RAB38: variants seen among roughly 807,000 people sequenced by gnomAD.
RAB38 encodes the protein ras-related protein Rab-38.
Under a neutral mutation model 18.4 loss-of-function variants are expected in RAB38, and 15 were observed. The observed-to-expected ratio is 0.82, with a 90% CI of 0.55 to 1.26. The LOEUF (loss-of-function observed/expected upper bound fraction) is 1.26, where lower values mean the gene tolerates loss of function less well. Ranked by LOEUF, RAB38 falls within the 50% of genes most tolerant of loss-of-function variation. The pLI, the probability that RAB38 is intolerant of heterozygous loss-of-function variation, is 0.00. For synonymous variants in RAB38, 101 were observed against 104.4 expected, an observed-to-expected ratio of 0.97 and a Z score of 0.20; for missense variants, 294 against 267.4, an observed-to-expected ratio of 1.10 and a Z score of -0.69.
At chr11:87,814,292 A>C in the RAB38 span, among the ~76,000 whole-genome samples, 9 of 152,312 alleles carry the variant, frequency 5.9e-5, no homozygotes, top group African/African-American at 2.2e-4. Context: ...TGTACTATGT[A>C]ATACTAGGGA....
chr11:87,848,632 T>C, the RAB38 span, among the ~76,000 whole-genome samples: 1 of 152,168 alleles, frequency 6.6e-6, no homozygotes, highest in Non-Finnish European at 1.5e-5. Flanking sequence ...AAGATGTCTT[T>C]CTTCTGTATT....
rs1942651617 is a variant in RAB38, at chr11:88,123,183, C to T, written c.484-9043G>A. The stretch of plus-strand genomic sequence containing the variant: ...ACTCCCCGAGGCTGAGCAGGAATCC[C>T]TCTATTCTGGCACTTACCCACTGGT... On this transcript the variant is annotated intron_variant, in intron 2 of 2. Coordinates refer to ENST00000243662, the MANE Select transcript of RAB38 (RefSeq NM_022337.3). Among the ~76,000 whole-genome samples the T allele has an allele frequency of 3.3e-5, 5 of 152,174 alleles. No homozygotes were observed. In the South Asian group the frequency reaches 1.0e-3, roughly 32 times the overall value.
the RAB38 span, among the ~76,000 whole-genome samples, chr11:87,911,942 A>T: frequency 6.6e-6 from 1 of 151,864 alleles, no homozygotes; most frequent in Non-Finnish European, 1.5e-5. Flanking sequence ...GGATTTTGGC[A>T]AAATTTTTTT....
the RAB38 span, among the ~76,000 whole-genome samples, chr11:87,935,294 C>A: frequency 6.6e-6 from 1 of 152,082 alleles, no homozygotes; most frequent in Non-Finnish European, 1.5e-5. Context: ...AACTTCCACA[C>A]ATCTTCCCCC....
the RAB38 span, among the ~76,000 whole-genome samples, chr11:87,858,972 A>G: frequency 6.6e-6 from 1 of 151,778 alleles, no homozygotes; most frequent in Non-Finnish European, 1.5e-5. Context: ...GCAAAACAGA[A>G]TAAAGCCAAG....
At chr11:87,936,284 T>C in the RAB38 span, among the ~76,000 whole-genome samples, 1 of 152,142 alleles carries the variant, frequency 6.6e-6, no homozygotes, top group Non-Finnish European at 1.5e-5. Context: ...ATTTTATATG[T>C]AAGCCCAAGT....
the RAB38 span, among the ~76,000 whole-genome samples, chr11:87,932,701 C>G: frequency 1.3e-5 from 2 of 152,078 alleles, no homozygotes; most frequent in Non-Finnish European, 2.9e-5. Context: ...TACAAGCATC[C>G]TCTTCTCCCC....
At chr11:88,119,332 A>T (rs536821228) in intron 2 of RAB38, among the ~76,000 whole-genome samples, 16 of 152,162 alleles carry the variant, frequency 1.1e-4, no homozygotes, top group African/African-American at 3.9e-4. Flanking sequence ...CCCTGTATCT[A>T]AAAGTTGAAA....
intron 2 of RAB38, among the ~76,000 whole-genome samples, chr11:88,137,330 T>C (rs967243007): frequency 1.3e-5 from 2 of 152,112 alleles, no homozygotes; most frequent in Admixed American, 6.6e-5. Context: ...ATGAAATAGA[T>C]AATGCAAAAA....
intron 2 of RAB38, among the ~76,000 whole-genome samples, chr11:88,125,712 T>C (rs1452537019): frequency 6.6e-6 from 1 of 152,244 alleles, no homozygotes. Flanking sequence ...AGAAGCTCTT[T>C]AGTTTAATTA....
the RAB38 span, among the ~76,000 whole-genome samples, chr11:88,014,778 T>G: frequency 6.6e-6 from 1 of 152,118 alleles, no homozygotes; most frequent in Non-Finnish European, 1.5e-5. Flanking sequence ...GAGCCTCTCT[T>G]GATGTGCAAT....
the RAB38 span, among the ~76,000 whole-genome samples, chr11:87,833,731 G>A: frequency 1.3e-5 from 2 of 152,160 alleles, no homozygotes; most frequent in African/African-American, 4.8e-5. Flanking sequence ...AGAACCCAAG[G>A]AATCCAGCTT....
At chr11:87,885,668 A>T in the RAB38 span, among the ~76,000 whole-genome samples, 2 of 151,962 alleles carry the variant, frequency 1.3e-5, no homozygotes, top group African/African-American at 4.8e-5. Flanking sequence ...AGATGTCATG[A>T]TTATCCCTCT....
the RAB38 span, among the ~76,000 whole-genome samples, chr11:87,972,338 T>C: frequency 1.3e-5 from 2 of 151,994 alleles, no homozygotes; most frequent in African/African-American, 2.4e-5. Flanking sequence ...AAACACAGTA[T>C]TGAACATGGG....
the RAB38 span, among the ~76,000 whole-genome samples, chr11:87,977,553 T>A: frequency 1.1e-4 from 13 of 118,428 alleles, no homozygotes; most frequent in Non-Finnish European, 1.8e-4. Flanking sequence ...TTATATAATA[T>A]AATTATATAA....
At chr11:88,033,725 C>CCT in the RAB38 span, among the ~76,000 whole-genome samples, 12 of 101,122 alleles carry the variant, frequency 1.2e-4, no homozygotes, top group South Asian at 7.5e-4. Context: ...GTTGTGTTGC[C>CCT]TTTTTTTTTT....
intron 2 of RAB38, among the ~76,000 whole-genome samples, chr11:88,142,464 C>A (rs1005053555): frequency 1.3e-5 from 2 of 152,190 alleles, no homozygotes; most frequent in Admixed American, 6.5e-5. Context: ...AAGCATGGAT[C>A]CTCTTTTACA....
the RAB38 span, among the ~76,000 whole-genome samples, chr11:88,044,468 C>T: frequency 6.6e-6 from 1 of 152,130 alleles, no homozygotes; most frequent in Non-Finnish European, 1.5e-5. Context: ...GAACTTAAAA[C>T]CTCTTCAACT....
At chr11:87,950,700 C>G in the RAB38 span, among the ~76,000 whole-genome samples, 21 of 152,202 alleles carry the variant, frequency 1.4e-4, no homozygotes, top group African/African-American at 3.1e-4. Context: ...CTTTAAGAAT[C>G]TTGAATATTG....
Sources: allele counts gnomAD v4.1 joint callset (sites outside exome capture counted in the v4.1 genomes callset), GRCh38; gene constraint gnomAD v4.1.1; transcripts MANE v1.5; gene names NCBI Gene and HGNC (gene_info 2026-07-23, HGNC 2026-07-21).